MYH10: variants seen among roughly 807,000 people sequenced by gnomAD.
MYH10 encodes the protein myosin-10.
MYH10 carries 55 observed loss-of-function variants against 257.8 expected under a neutral mutation model. The ratio of observed to expected loss-of-function variants is 0.21; its 90% CI spans 0.17 to 0.27. MYH10 has a LOEUF of 0.27. MYH10 is among the 10% of genes least tolerant of loss of function. The pLI is 1.00. For missense variants in MYH10, 1,631 were observed against 2,500.6 expected (o/e 0.65, Z 7.42); for synonymous variants, 854 against 921.7 (o/e 0.93, Z 1.33).
At chr17:8,590,649 C>T (rs1333299611) in intron 3 of MYH10, among the ~76,000 whole-genome samples, 3 of 152,086 alleles carry the variant, frequency 2.0e-5, no homozygotes, top group African/African-American at 7.2e-5. Flanking sequence ...TGGTGTTATT[C>T]TTCCTTCTGG....
In MYH10 at chr17:8,520,880, C is replaced by T. The variant is rs1481447444; in HGVS notation, c.2271G>A (p.Gln757=). Reference sequence around the variant, plus strand: ...AAAAAAGTAAAAGTTAGCAATACCTCTGTCTGAATTCCTGGAAAACTATTC... The same window carrying T: ...AAAAAAGTAAAAGTTAGCAATACCTTTGTCTGAATTCCTGGAAAACTATTC... The part of the protein sequence containing the change: ...PNRIVFQEFR[Q]RYEILTPNAI... Residue 757 remains glutamine, a splice_region_variant and synonymous_variant, in exon 19 of 43, where the codon CAG becomes CAA. Transcript: ENST00000360416. 1 of 1,607,328 alleles carries T rather than the reference C, an allele frequency of 6.2e-7. No individual in the cohort carries two copies.
At chr17:8,496,312 G>A (rs113418807) in intron 30 of MYH10, among the ~76,000 whole-genome samples, 149 of 152,316 alleles carry the variant, frequency 9.8e-4, no homozygotes, top group African/African-American at 3.2e-3. Context: ...ATGCTGTAAC[G>A]CTTCCATGGT....
chr17:8,510,521 T>C (rs997771890), intron 24 of MYH10, among the ~76,000 whole-genome samples: 2 of 152,082 alleles, frequency 1.3e-5, no homozygotes, highest in Non-Finnish European at 2.9e-5. Context: ...AGACATACAG[T>C]GATAAGTTAT....
chr17:8,486,543 CAAAAAA>C (rs67844660), intron 36 of MYH10, among the ~76,000 whole-genome samples: 255 of 120,568 alleles, frequency 2.1e-3, no homozygotes, highest in African/African-American at 8.3e-3. Context: ...TATTTAGCTT[CAAAAAA>C]AAAAAAAAAA....
At chr17:8,498,023 C>A (rs1367439362) in intron 30 of MYH10, among the ~76,000 whole-genome samples, 1 of 117,028 alleles carries the variant, frequency 8.5e-6, no homozygotes, top group Non-Finnish European at 1.6e-5. Flanking sequence ...GTTCTGTAGT[C>A]CAGGCTGGAG....
intron 6 of MYH10, among the ~76,000 whole-genome samples, chr17:8,572,228 C>CTGTG (rs1291381550): frequency 1.4e-4 from 11 of 80,262 alleles, no homozygotes; most frequent in African/African-American, 4.5e-4. Context: ...CTTTTCCTCT[C>CTGTG]TGTGTGTGTG....
At chr17:8,556,201 T>A (rs1331737990) in intron 7 of MYH10, among the ~76,000 whole-genome samples, 6 of 152,148 alleles carry the variant, frequency 3.9e-5, no homozygotes, top group Non-Finnish European at 4.4e-5. Flanking sequence ...GTACAGCCAG[T>A]TTGCCAGTTT....
At position 8,552,098 on chromosome 17, in the gene MYH10, A is replaced by G. The variant is rs758205561; in HGVS notation, c.867T>C (p.Arg289=). The change falls in exon 9 of 43, where the codon CGT becomes CGC. Residue 289 remains arginine, a synonymous_variant. Transcript: ENST00000360416. The surrounding 1 kb of genome is among the most constrained non-coding windows in gnomAD (Gnocchi z 4.8). ...SRAVRQAKDE[R]TFHIFYQLLS... ...ACAACTGGTAAAAGATATGAAAAGT[A>G]CGTTCATCTTTTGCTTGACGAACAG... 1.6e-5 allele frequency: 25 copies of G among 1,563,724 alleles called. No homozygotes were observed. In the African/African-American group the frequency reaches 3.2e-4, roughly 20 times the overall value.
At chr17:8,537,311 A>G (rs1385573020) in intron 14 of MYH10, among the ~76,000 whole-genome samples, 1 of 152,228 alleles carries the variant, frequency 6.6e-6, no homozygotes, top group African/African-American at 2.4e-5. Context: ...ATTTACTGGC[A>G]AAGAGTTGGC....
At chr17:8,591,220 C>A (rs146676135) in intron 3 of MYH10, among the ~76,000 whole-genome samples, 8 of 152,048 alleles carry the variant, frequency 5.3e-5, no homozygotes, top group Admixed American at 4.6e-4. Context: ...AACAATACTG[C>A]GGTTGACTGC....
Position 8,500,947 on chromosome 17 carries a change from G to A in MYH10, c.3623C>T (p.Ala1208Val). 6.2e-7 allele frequency: 1 copy of A among 1,613,892 alleles called. No homozygotes were observed. Among genetic ancestry groups the A allele is most frequent in the Non-Finnish European group, 8.5e-7 (1 of 1,179,956 alleles). The change falls in exon 29 of 43, where the codon GCA (alanine) becomes GTA (valine). Residue 1208 changes from alanine (A) to valine (V), a missense_variant. Ala to Val is a moderately conservative substitution (Grantham distance 64). Coordinates refer to ENST00000360416, the MANE Select transcript of MYH10 (RefSeq NM_001256012.3). ...CTCCTCAAGAGCTTTCTTCAGCTCT[G>A]CCACTTCTTGTTCACGTTTTGTACT... ...ELRTKREQEV[A>V]ELKKALEEET...
intron 2 of MYH10, among the ~76,000 whole-genome samples, chr17:8,621,800 C>A (rs1368525276): frequency 2.0e-5 from 3 of 152,222 alleles, no homozygotes; most frequent in Non-Finnish European, 4.4e-5. Context: ...TCCCACCAGT[C>A]AGACTCCAGC....
chr17:8,551,159 TTTA>T (rs1199355022), intron 9 of MYH10, among the ~76,000 whole-genome samples: 132 of 8,602 alleles, frequency 0.015, 2 homozygotes, highest in African/African-American at 0.055. Flanking sequence ...AAATAATAAA[TTTA>T]AAAAAAAAAA....
intron 32 of MYH10, 110 bp downstream of exon 32, chr17:8,493,623 C>T (rs768213445): frequency 1.6e-4 from 207 of 1,259,582 alleles, no homozygotes; most frequent in Non-Finnish European, 2.0e-4. Flanking sequence ...TAATTTAGTA[C>T]GACCTAATTA....
intron 7 of MYH10, among the ~76,000 whole-genome samples, chr17:8,566,754 C>A (rs949358737): frequency 6.6e-6 from 1 of 152,182 alleles, no homozygotes; most frequent in Non-Finnish European, 1.5e-5. Flanking sequence ...TCATTTGTTA[C>A]GTAGCAACTG....
intron 3 of MYH10, among the ~76,000 whole-genome samples, chr17:8,589,785 A>G (rs531514896): frequency 3.9e-4 from 60 of 152,344 alleles, no homozygotes; most frequent in African/African-American, 1.4e-3. Flanking sequence ...AAAATTTTCA[A>G]ATAAAAAGGT....
intron 1 of MYH10, among the ~76,000 whole-genome samples, chr17:8,625,366 C>T (rs949812015): frequency 3.9e-5 from 6 of 152,192 alleles, no homozygotes; most frequent in Admixed American, 3.3e-4. Flanking sequence ...TCTATAGTAG[C>T]GGCTGTCAAA....
In MYH10 at chr17:8,480,538, G is replaced by A; in HGVS notation, c.5265-13C>T. The A allele has an allele frequency of 6.2e-7, 1 of 1,603,604 alleles. No homozygotes were observed. The highest frequency in any genetic ancestry group is 8.5e-7 in the Non-Finnish European group (1 of 1,179,550). ...CAGCAGCGCGGACCTGGCGGGGAGAGGAGGAGGGGACGGTTCAATCCCAGC... is the reference window on the plus strand; with the variant it reads ...CAGCAGCGCGGACCTGGCGGGGAGAAGAGGAGGGGACGGTTCAATCCCAGC... On this transcript the variant is annotated splice_polypyrimidine_tract_variant and intron_variant, in intron 38 of 42. Transcript: ENST00000360416.
rs763552716 is a variant in MYH10, at chr17:8,506,446, C to T, written c.3258G>A (p.Lys1086=). 2 of 1,612,560 alleles carry T rather than the reference C, an allele frequency of 1.2e-6. No homozygotes were observed. The highest frequency in any genetic ancestry group is 1.1e-5 in the South Asian group (1 of 90,714). ...TCTCCCCGTCGAGTTTTCTTTTGGC[C>T]TTTTCCAGTTCCTGACGAGTCTTTT... The part of the protein sequence containing the change: ...KEEKTRQELE[K]AKRKLDGETT... Residue 1086 remains lysine (K), a synonymous_variant, in exon 27 of 43, where the codon AAG becomes AAA. Coordinates refer to ENST00000360416, the MANE Select transcript of MYH10 (RefSeq NM_001256012.3). The surrounding 1 kb of genome is among the most constrained non-coding windows in gnomAD (Gnocchi z 5.0).
Sources: gnomAD v4.1 joint callset for allele counts (sites outside exome capture counted in the v4.1 genomes callset) on GRCh38, gnomAD v4.1.1 for gene constraint, Gnocchi (gnomAD v3.1) non-coding constraint, MANE v1.5 for transcripts, NCBI Gene and HGNC (gene_info 2026-07-23, HGNC 2026-07-21) for gene names.